GRID2: variants seen among roughly 807,000 people sequenced by gnomAD.
GRID2 encodes glutamate receptor ionotropic, delta-2.
Under a neutral mutation model 114.8 loss-of-function variants are expected in GRID2, and 33 were observed. That is an observed-to-expected ratio of 0.29 (90% CI 0.22 to 0.38). The LOEUF (loss-of-function observed/expected upper bound fraction) is 0.38, where lower values mean the gene tolerates loss of function less well. GRID2 is among the 10% of genes least tolerant of loss of function. GRID2 has a pLI of 1.00. For missense variants in GRID2, 1,184 were observed against 1,257.7 expected (o/e 0.94, Z 0.89); for synonymous variants, 505 against 449.9 (o/e 1.12, Z -1.55).
chr4:93,483,936 T>A (rs549420731), intron 11 of GRID2, among the ~76,000 whole-genome samples: 4 of 151,072 alleles, frequency 2.6e-5, no homozygotes, highest in African/African-American at 9.7e-5. Flanking sequence ...GAGATTATGT[T>A]TTTTTTTTAA....
chr4:93,000,889 A>C (rs899555663), intron 2 of GRID2, among the ~76,000 whole-genome samples: 5 of 151,614 alleles, frequency 3.3e-5, no homozygotes, highest in African/African-American at 1.2e-4. Flanking sequence ...TCCAAACCTC[A>C]GTAATACACA....
At chr4:93,367,386 A>G (rs1264575574) in intron 8 of GRID2, among the ~76,000 whole-genome samples, 2 of 151,902 alleles carry the variant, frequency 1.3e-5, no homozygotes, top group Non-Finnish European at 2.9e-5. Context: ...TCCCCAATCT[A>G]TTGGACTCTT....
At position 93,085,269 on chromosome 4, in the gene GRID2, T is replaced by C. The variant is rs1373390887; in HGVS notation, c.519T>C (p.Asp173=). The change falls in exon 3 of 16, where the codon GAT becomes GAC. Residue 173 remains aspartate (D), a synonymous_variant. Transcript: ENST00000282020. The part of the protein sequence containing the change: ...YAWQKFIIFY[D]SEYDIRGIQE... ...GGCAGAAATTCATTATATTCTATGATAGTGAATACGGTAAGTGTTTATAAT... is the reference window on the plus strand; with the variant it reads ...GGCAGAAATTCATTATATTCTATGACAGTGAATACGGTAAGTGTTTATAAT... 6.2e-7 allele frequency: 1 copy of C among 1,610,128 alleles called. No individual in the cohort carries two copies. Among genetic ancestry groups the C allele is most frequent in the Non-Finnish European group, 8.5e-7 (1 of 1,176,372 alleles).
intron 2 of GRID2, among the ~76,000 whole-genome samples, chr4:92,896,178 G>A (rs1300685124): frequency 6.6e-6 from 1 of 152,122 alleles, no homozygotes; most frequent in Admixed American, 6.5e-5. Context: ...TCATAAAAAT[G>A]CAAAACAAAT....
chr4:92,997,564 G>T (rs556690125), intron 2 of GRID2, among the ~76,000 whole-genome samples: 7 of 152,276 alleles, frequency 4.6e-5, no homozygotes, highest in Non-Finnish European at 7.4e-5. Context: ...TTAACCTCAG[G>T]TAGCTGAGGG....
intron 2 of GRID2, among the ~76,000 whole-genome samples, chr4:92,831,648 A>C (rs1381794482): frequency 2.0e-5 from 3 of 151,784 alleles, no homozygotes; most frequent in Non-Finnish European, 4.4e-5. Context: ...GAGCACTGGA[A>C]TTTGTGAACA....
At chr4:93,232,008 G>C (rs1422308636) in intron 7 of GRID2, among the ~76,000 whole-genome samples, 1 of 152,112 alleles carries the variant, frequency 6.6e-6, no homozygotes, top group Non-Finnish European at 1.5e-5. Flanking sequence ...GGATATTTCA[G>C]GTGGTAGAAT....
chr4:93,564,300 T>C (rs1446211723), intron 13 of GRID2, among the ~76,000 whole-genome samples: 1 of 151,920 alleles, frequency 6.6e-6, no homozygotes, highest in Admixed American at 6.6e-5. Context: ...GATGTCCTTT[T>C]ATTTATTTAT....
intron 1 of GRID2, among the ~76,000 whole-genome samples, chr4:92,323,569 C>T (rs1331402616): frequency 1.3e-5 from 2 of 152,044 alleles, no homozygotes; most frequent in Non-Finnish European, 2.9e-5. Context: ...TGCTGGCCTA[C>T]TTTATGTAAA....
intron 2 of GRID2, among the ~76,000 whole-genome samples, chr4:92,679,078 GC>G (rs1258645700): frequency 6.6e-6 from 1 of 151,260 alleles, no homozygotes; most frequent in Admixed American, 6.6e-5. Context: ...TTTAAATGTA[GC>G]TTCAATTCCT....
intron 2 of GRID2, among the ~76,000 whole-genome samples, chr4:92,907,123 A>G (rs1326645272): frequency 1.3e-5 from 2 of 152,184 alleles, no homozygotes; most frequent in African/African-American, 4.8e-5. Context: ...AAACTTCATG[A>G]TCATCAACCA....
At chr4:93,345,610 T>C (rs1455116611) in intron 8 of GRID2, among the ~76,000 whole-genome samples, 1 of 152,136 alleles carries the variant, frequency 6.6e-6, no homozygotes, top group African/African-American at 2.4e-5. Flanking sequence ...ACTGTGTTGA[T>C]TGTTTCCCTT....
At chr4:92,719,027 C>T (rs1358925103) in intron 2 of GRID2, among the ~76,000 whole-genome samples, 1 of 151,556 alleles carries the variant, frequency 6.6e-6, no homozygotes, top group Admixed American at 6.6e-5. Context: ...CGCTCTGTCA[C>T]CCAGGTTGCA....
intron 2 of GRID2, among the ~76,000 whole-genome samples, chr4:92,728,443 G>T (rs182755099): frequency 5.3e-5 from 8 of 151,986 alleles, no homozygotes; most frequent in South Asian, 4.1e-4. Context: ...TTGTAAGCTC[G>T]CTCAAGTGAT....
chr4:93,675,617 T>A (rs1447946298), intron 14 of GRID2, among the ~76,000 whole-genome samples: 1 of 152,026 alleles, frequency 6.6e-6, no homozygotes, highest in Non-Finnish European at 1.5e-5. Flanking sequence ...ACCAAATGAG[T>A]CAAGGTACTG....
At chr4:93,246,586 C>CAA (rs34526471) in intron 8 of GRID2, among the ~76,000 whole-genome samples, 4,938 of 102,002 alleles carry the variant, frequency 0.048, 248 homozygotes, top group East Asian at 0.28. Flanking sequence ...GACTCCTTCT[C>CAA]AAAAAAAAAA....
intron 2 of GRID2, among the ~76,000 whole-genome samples, chr4:92,676,439 C>T (rs997092154): frequency 1.4e-4 from 21 of 152,178 alleles, no homozygotes; most frequent in Admixed American, 3.9e-4. Context: ...CTCAGCCTCC[C>T]AAAGTGCTGG....
chr4:92,844,893 T>C (rs1454512809), intron 2 of GRID2, among the ~76,000 whole-genome samples: 1 of 152,074 alleles, frequency 6.6e-6, no homozygotes, highest in African/African-American at 2.4e-5. Flanking sequence ...TTTACTGCTT[T>C]AATAAGGACA....
At chr4:93,419,040 G>C (rs1767998850) in intron 9 of GRID2, among the ~76,000 whole-genome samples, 2 of 140,912 alleles carry the variant, frequency 1.4e-5, no homozygotes, top group Non-Finnish European at 1.5e-5. Context: ...TATTAAAAAA[G>C]ATATAGCTGG....
Sources: gnomAD v4.1 joint callset for allele counts (sites outside exome capture counted in the v4.1 genomes callset) on GRCh38, gnomAD v4.1.1 for gene constraint, MANE v1.5 for transcripts, NCBI Gene and HGNC (gene_info 2026-07-23, HGNC 2026-07-21) for gene names.